Variants in PRKG1 observed in about 807,000 individuals in gnomAD.
The protein encoded by PRKG1 is cGMP-dependent protein kinase 1.
Under a neutral mutation model 88.1 loss-of-function variants are expected in PRKG1, and 35 were observed. The ratio of observed to expected loss-of-function variants is 0.40; its 90% confidence interval spans 0.30 to 0.53. The LOEUF is 0.53. PRKG1 is among the 20% of genes least tolerant of loss of function. The probability of loss-of-function intolerance (pLI) is 0.59; values close to 1 mark genes in which losing one functional copy is unlikely to be tolerated. For synonymous variants in PRKG1, 303 were observed against 292.5 expected, an observed-to-expected ratio of 1.04 and a Z score of -0.37; for missense variants, 540 against 839.8, an observed-to-expected ratio of 0.64 and a Z score of 4.41.
At chr10:51,123,715 G>A (rs1845325596) in intron 1 of PRKG1, among the ~76,000 whole-genome samples, 1 of 151,442 alleles carries the variant, frequency 6.6e-6, no homozygotes, top group East Asian at 1.9e-4. Flanking sequence ...AAAATTACTG[G>A]AGGCTCTGAG....
chr10:51,426,694 CTA>C (rs1804014215), intron 2 of PRKG1, among the ~76,000 whole-genome samples: 1 of 151,900 alleles, frequency 6.6e-6, no homozygotes, highest in Non-Finnish European at 1.5e-5. Flanking sequence ...ATGTGTGTGT[CTA>C]TACACACACA....
intron 3 of PRKG1, among the ~76,000 whole-genome samples, chr10:51,758,384 T>C (rs1837926680): frequency 6.6e-6 from 1 of 152,206 alleles, no homozygotes; most frequent in South Asian, 2.1e-4. Context: ...ATAAATGAAA[T>C]AACCAACGTT....
intron 3 of PRKG1, among the ~76,000 whole-genome samples, chr10:51,784,535 T>A (rs1465228752): frequency 6.6e-6 from 1 of 152,106 alleles, no homozygotes; most frequent in Non-Finnish European, 1.5e-5. Flanking sequence ...CCAGAATAGT[T>A]TTTTACTTGT....
intron 3 of PRKG1, among the ~76,000 whole-genome samples, chr10:51,540,500 C>G (rs1842273013): frequency 6.6e-6 from 1 of 151,888 alleles, no homozygotes. Context: ...TACCTAATTG[C>G]TTATTTGTTT....
intron 2 of PRKG1, among the ~76,000 whole-genome samples, chr10:51,350,487 T>A (rs530914295): frequency 1.3e-4 from 20 of 152,182 alleles, no homozygotes; most frequent in African/African-American, 4.6e-4. Context: ...TCATACTGAA[T>A]GGGAAAAAAA....
At chr10:51,593,688 T>G (rs1158033380) in intron 3 of PRKG1, among the ~76,000 whole-genome samples, 1 of 152,068 alleles carries the variant, frequency 6.6e-6, no homozygotes, top group African/African-American at 2.4e-5. Flanking sequence ...AGAGTGGTAT[T>G]GTGTGTTACT....
At chr10:51,804,756 A>G in intron 4 of PRKG1, 66 bp downstream of exon 4, 1 of 1,142,344 alleles carries the variant, frequency 8.8e-7, no homozygotes, top group South Asian at 1.3e-5. Context: ...TCTGAAATGC[A>G]GCACCCTGAA....
chr10:52,134,505 C>G (rs1050908198), intron 8 of PRKG1, among the ~76,000 whole-genome samples: 1 of 152,106 alleles, frequency 6.6e-6, no homozygotes, highest in Non-Finnish European at 1.5e-5. Context: ...TACCTGGATG[C>G]TTTATAAGTT....
intron 6 of PRKG1, 52 bp from the exon 7 acceptor site, chr10:52,062,485 T>C (rs750805982): frequency 2.1e-5 from 24 of 1,144,146 alleles, no homozygotes; most frequent in Non-Finnish European, 2.8e-5. Context: ...AGTGTTCCTT[T>C]GTCCATTGTG....
chr10:50,992,733 G>T (rs993619657), intron 1 of PRKG1, among the ~76,000 whole-genome samples: 1 of 152,148 alleles, frequency 6.6e-6, no homozygotes, highest in African/African-American at 2.4e-5. Context: ...ACCGGAGAAG[G>T]CTGATCGATT....
At position 51,127,790 on chromosome 10, in the gene PRKG1, G is replaced by A. The variant is rs189785625; in HGVS notation, c.312-25374G>A. Reference sequence around the variant, plus strand: ...ATGCTATGCAGCCATAAAAAGGAATGAGTTCATGCCCTTTGCAGGGACATA... The same window carrying A: ...ATGCTATGCAGCCATAAAAAGGAATAAGTTCATGCCCTTTGCAGGGACATA... On this transcript the variant is annotated intron_variant, in intron 1 of 17. Coordinates refer to ENST00000373980, the MANE Select transcript of PRKG1 (RefSeq NM_006258.4). Among the ~76,000 whole-genome samples the A allele has an allele frequency of 5.3e-3, 801 of 152,292 alleles. 5 individuals carry two copies. Among genetic ancestry groups the A allele is most frequent in the African/African-American group, 0.018 (756 of 41,564 alleles).
At chr10:52,148,957 C>CTTTTTTTTTTTTTTTTTTTTTTTT (rs71904885) in intron 8 of PRKG1, among the ~76,000 whole-genome samples, 6 of 55,162 alleles carry the variant, frequency 1.1e-4, no homozygotes, top group African/African-American at 4.5e-4. Context: ...GATAGTTTTG[C>CTTTTTTTTTTTTTTTTTTTTTTTT]TTTTTTTTTT....
intron 4 of PRKG1, among the ~76,000 whole-genome samples, chr10:51,895,410 G>A (rs969780757): frequency 1.3e-5 from 2 of 152,088 alleles, no homozygotes; most frequent in Non-Finnish European, 2.9e-5. Flanking sequence ...TTGCCCACAT[G>A]TTCCTGAGCT....
intron 9 of PRKG1, among the ~76,000 whole-genome samples, chr10:52,191,963 A>G (rs1589688972): frequency 1.3e-5 from 2 of 152,194 alleles, no homozygotes; most frequent in Non-Finnish European, 2.9e-5. Flanking sequence ...ATCCTCATTC[A>G]TTCAAGACAA....
At chr10:51,497,025 C>A (rs1840878674) in intron 3 of PRKG1, among the ~76,000 whole-genome samples, 1 of 152,102 alleles carries the variant, frequency 6.6e-6, no homozygotes, top group African/African-American at 2.4e-5. Context: ...TCAGAATGAG[C>A]CATTTGCTTG....
chr10:50,992,271 A>G (rs1842791125), intron 1 of PRKG1, among the ~76,000 whole-genome samples: 1 of 151,998 alleles, frequency 6.6e-6, no homozygotes, highest in Admixed American at 6.5e-5. Context: ...AGGAGGGGAG[A>G]GGTTTATTCA....
At chr10:51,669,231 G>A (rs570008776) in intron 3 of PRKG1, among the ~76,000 whole-genome samples, 1 of 152,300 alleles carries the variant, frequency 6.6e-6, no homozygotes, top group East Asian at 1.9e-4. Flanking sequence ...CTGGAAGTCT[G>A]AGATCAGGGC....
At chr10:51,356,080 A>C (rs1027007517) in intron 2 of PRKG1, among the ~76,000 whole-genome samples, 1 of 152,010 alleles carries the variant, frequency 6.6e-6, no homozygotes, top group Admixed American at 6.6e-5. Flanking sequence ...AATTCACCTT[A>C]TTAGGCAAAA....
chr10:51,978,753 T>C (rs1843915557), intron 5 of PRKG1, among the ~76,000 whole-genome samples: 1 of 152,068 alleles, frequency 6.6e-6, no homozygotes. Context: ...CTGATTTGGC[T>C]CCCAGGTTGA....
Sources: allele counts gnomAD v4.1 joint callset (sites outside exome capture counted in the v4.1 genomes callset), GRCh38; gene constraint gnomAD v4.1.1; transcripts MANE v1.5; gene names NCBI Gene and HGNC (gene_info 2026-07-23, HGNC 2026-07-21).